Variants in VCAM1 observed in about 807,000 individuals in gnomAD.
VCAM1 encodes vascular cell adhesion molecule 1.
Under a neutral mutation model 63.8 loss-of-function variants are expected in VCAM1, and 41 were observed. That is an observed-to-expected ratio of 0.64 (90% CI 0.50 to 0.83). The LOEUF (loss-of-function observed/expected upper bound fraction) is 0.83. Ranked by LOEUF, VCAM1 falls within the 40% of genes least tolerant of loss-of-function variation. VCAM1 has a pLI of 0.00. For synonymous variants in VCAM1, 338 were observed against 320.7 expected (o/e 1.05, Z -0.58); for missense variants, 798 against 875.5 (o/e 0.91, Z 1.12).
chr1:100,727,930 TATA>T (rs1400471807), intron 4 of VCAM1, among the ~76,000 whole-genome samples: 1 of 152,096 alleles, frequency 6.6e-6, no homozygotes, highest in Non-Finnish European at 1.5e-5. Context: ...CCATGCAAAA[TATA>T]ATATGTTTGG....
intron 4 of VCAM1, among the ~76,000 whole-genome samples, chr1:100,728,759 C>T (rs1005154329): frequency 3.3e-5 from 5 of 149,614 alleles, no homozygotes; most frequent in Admixed American, 1.3e-4. Context: ...TAGTGCTTGA[C>T]ACACAAGAAC....
In VCAM1 at chr1:100,734,725, C is replaced by T. The variant is rs1351955356; in HGVS notation, c.2016C>T (p.Asn672=). Residue 672 remains asparagine (N), a synonymous_variant, in exon 8 of 9, where the codon AAC becomes AAT. Coordinates refer to ENST00000294728, the MANE Select transcript of VCAM1 (RefSeq NM_001078.4). ...GAGTATATGAATGTGAATCTAAAAACAAAGTTGGCTCACAATTAAGAAGTT... is the reference window on the plus strand; with the variant it reads ...GAGTATATGAATGTGAATCTAAAAATAAAGTTGGCTCACAATTAAGAAGTT... ...DAGVYECESK[N]KVGSQLRSLT... The T allele has an allele frequency of 6.2e-7, 1 of 1,613,820 alleles. No homozygotes were observed. The highest frequency in any genetic ancestry group is 1.3e-5 in the African/African-American group (1 of 74,922).
At chr1:100,722,327 A>G (rs1288205074) in intron 2 of VCAM1, among the ~76,000 whole-genome samples, 3 of 152,050 alleles carry the variant, frequency 2.0e-5, no homozygotes, top group Non-Finnish European at 4.4e-5. Flanking sequence ...GATTGCACAA[A>G]TGTATCTTTC....
chr1:100,731,294 A>C lies in VCAM1; in HGVS notation c.1301A>C (p.Asp434Ala). The C allele has an allele frequency of 6.2e-7, 1 of 1,613,818 alleles. No homozygotes were observed. Among genetic ancestry groups the C allele is most frequent in the Non-Finnish European group, 8.5e-7 (1 of 1,179,858 alleles). The change falls in exon 6 of 9, where the codon GAC becomes GCC. Residue 434 changes from aspartate to alanine, a missense_variant. Coordinates refer to ENST00000294728, the MANE Select transcript of VCAM1 (RefSeq NM_001078.4). The surrounding 1 kb of genome is among the most constrained non-coding windows in gnomAD (Gnocchi z 4.2). ...SCKVPSVYPL[D>A]RLEIELLKGE... ...AAGGTTCCTAGCGTGTACCCCCTTG[A>C]CCGGCTGGAGATTGAATTACTTAAG...
chr1:100,722,672 G>C (rs1402883308), intron 2 of VCAM1, among the ~76,000 whole-genome samples: 1 of 152,006 alleles, frequency 6.6e-6, no homozygotes, highest in Non-Finnish European at 1.5e-5. Context: ...CTATCTCCTA[G>C]AGTTATTGTG....
At chr1:100,726,097 CTCTACT>C (rs572765369) in intron 4 of VCAM1, among the ~76,000 whole-genome samples, 25 of 152,148 alleles carry the variant, frequency 1.6e-4, no homozygotes, top group Non-Finnish European at 3.1e-4. Flanking sequence ...CCATTCTACT[CTCTACT>C]TCTATGACTT....
chr1:100,723,951 G>A (rs2100824900), intron 3 of VCAM1, among the ~76,000 whole-genome samples: 1 of 152,100 alleles, frequency 6.6e-6, no homozygotes, highest in East Asian at 1.9e-4. Flanking sequence ...TCTGCACTGG[G>A]TACCACATTT....
intron 4 of VCAM1, among the ~76,000 whole-genome samples, chr1:100,725,229 G>A (rs972721145): frequency 1.3e-5 from 2 of 151,206 alleles, no homozygotes; most frequent in African/African-American, 4.9e-5. Context: ...AGATTCCCAG[G>A]AATTGGACTA....
In VCAM1 at chr1:100,734,729, G is replaced by T; in HGVS notation, c.2020G>T (p.Val674Phe). Reference protein sequence around the residue: ...GVYECESKNKVGSQLRSLTLD... With the variant: ...GVYECESKNKFGSQLRSLTLD... ...ATATGAATGTGAATCTAAAAACAAA[G>T]TTGGCTCACAATTAAGAAGTTTAAC... The change falls in exon 8 of 9, where the codon GTT becomes TTT. Residue 674 changes from valine (V) to phenylalanine (F), a missense_variant. By Grantham distance (50) the Val-to-Phe change is conservative (BLOSUM62 -1). Coordinates refer to ENST00000294728, the MANE Select transcript of VCAM1 (RefSeq NM_001078.4). 6.2e-7 allele frequency: 1 copy of T among 1,613,910 alleles called. No homozygotes were observed. Among genetic ancestry groups the T allele is most frequent in the Non-Finnish European group, 8.5e-7 (1 of 1,179,850 alleles).
At position 100,732,623 on chromosome 1, in the gene VCAM1, T is replaced by C; in HGVS notation, c.1731T>C (p.Tyr577=). 6.2e-7 allele frequency: 1 copy of C among 1,611,792 alleles called. No individual in the cohort carries two copies. Among genetic ancestry groups the C allele is most frequent in the Non-Finnish European group, 8.5e-7 (1 of 1,179,264 alleles). The change falls in exon 7 of 9, where the codon TAT becomes TAC. Residue 577 remains tyrosine, a synonymous_variant. Coordinates refer to ENST00000294728, the MANE Select transcript of VCAM1 (RefSeq NM_001078.4). ...ISTKMEDSGV[Y]LCEGINQAGR... ...CAAAAATGGAAGATTCTGGGGTTTA[T>C]TTATGTGAAGGAATTAACCAGGCTG...
In VCAM1 at chr1:100,729,354, G is replaced by A. The variant is rs780168223; in HGVS notation, c.1176G>A (p.Leu392=). Residue 392 remains leucine, a synonymous_variant, in exon 5 of 9, where the codon CTG becomes CTA. Transcript: ENST00000294728. ...LCTVTCGHKK[L]EKGIQVELYS... Reference sequence around the variant, plus strand: ...CAGTGACTTGTGGACATAAGAAACTGGAAAAGGGAATCCAGGTGGAGCTCT... The same window carrying A: ...CAGTGACTTGTGGACATAAGAAACTAGAAAAGGGAATCCAGGTGGAGCTCT... 6.2e-7 allele frequency: 1 copy of A among 1,607,450 alleles called. No homozygotes were observed. Among genetic ancestry groups the A allele is most frequent in the Non-Finnish European group, 8.5e-7 (1 of 1,176,538 alleles).
intron 7 of VCAM1, among the ~76,000 whole-genome samples, chr1:100,733,390 A>G (rs1660533790): frequency 1.3e-5 from 2 of 152,068 alleles, no homozygotes. Flanking sequence ...CATTTTGTCT[A>G]TTACCCCTTG....
chr1:100,724,819 C>T lies in VCAM1; in HGVS notation c.857C>T (p.Ser286Phe). Residue 286 changes from serine (S) to phenylalanine (F), a missense_variant, in exon 4 of 9, where the codon TCT (serine) becomes TTT (phenylalanine). Physicochemically the swap from Ser to Phe is radical, Grantham distance 155. Transcript: ENST00000294728. ...LTLIAMRMED[S>F]GIYVCEGVNL... ...TTAATTGCTATGAGGATGGAAGATT[C>T]TGGAATTTATGTGTGTGAAGGAGTT... The T allele has an allele frequency of 6.2e-7, 1 of 1,612,778 alleles. No homozygotes were observed. Among genetic ancestry groups the T allele is most frequent in the Middle Eastern group, 1.7e-4 (1 of 6,054 alleles).
chr1:100,731,543 C>T lies in VCAM1; in HGVS notation c.1525+25C>T. On this transcript the variant is annotated intron_variant, in intron 6 of 8. Coordinates refer to ENST00000294728, the MANE Select transcript of VCAM1 (RefSeq NM_001078.4). The surrounding 1 kb of genome is among the most constrained non-coding windows in gnomAD (Gnocchi z 4.2). ...GGTAAGTACATATGTGAGGTATCTA[C>T]AGTTTAATACCTGTCTCTTTATCGT... is the stretch of plus-strand genomic sequence containing the variant. The T allele has an allele frequency of 1.3e-6, 2 of 1,576,350 alleles. No individual in the cohort carries two copies. Among genetic ancestry groups the T allele is most frequent in the Non-Finnish European group, 1.7e-6 (2 of 1,155,424 alleles).
At chr1:100,720,421 A>C (rs777374345) in intron 1 of VCAM1, 55 bp from the exon 2 acceptor site, 25 of 1,559,540 alleles carry the variant, frequency 1.6e-5, no homozygotes, top group Non-Finnish European at 2.1e-5. Flanking sequence ...AAGAAGGAGG[A>C]GAATACTAGA....
intron 4 of VCAM1, among the ~76,000 whole-genome samples, chr1:100,726,884 G>A (rs1460868815): frequency 1.3e-5 from 2 of 151,956 alleles, no homozygotes; most frequent in Non-Finnish European, 2.9e-5. Context: ...TTCCTGCTCC[G>A]GGCACAATGG....
chr1:100,730,359 C>T (rs1015470964), intron 5 of VCAM1, among the ~76,000 whole-genome samples: 2 of 152,032 alleles, frequency 1.3e-5, no homozygotes, highest in South Asian at 2.1e-4. Context: ...CTTATTGCAA[C>T]ATAGAAATAT....
intron 3 of VCAM1, 106 bp downstream of exon 3, chr1:100,723,446 T>A: frequency 8.8e-7 from 1 of 1,140,408 alleles, no homozygotes; most frequent in Non-Finnish European, 1.2e-6. Flanking sequence ...TTGTATATAG[T>A]TTGTATTCCA....
At chr1:100,726,783 G>A (rs1477756584) in intron 4 of VCAM1, among the ~76,000 whole-genome samples, 1 of 152,070 alleles carries the variant, frequency 6.6e-6, no homozygotes, top group Non-Finnish European at 1.5e-5. Context: ...TAGGAAGGAA[G>A]GACAGGCATA....
Sources: gnomAD v4.1 joint callset for allele counts (sites outside exome capture counted in the v4.1 genomes callset) on GRCh38, gnomAD v4.1.1 for gene constraint, Gnocchi (gnomAD v3.1) non-coding constraint, MANE v1.5 for transcripts, NCBI Gene and HGNC (gene_info 2026-07-23, HGNC 2026-07-21) for gene names.